HCN1: variants seen among roughly 807,000 people sequenced by gnomAD.
HCN1 encodes potassium/sodium hyperpolarization-activated cyclic nucleotide-gated channel 1.
In HCN1, 13 loss-of-function variants were observed where a neutral mutation model predicts 78.9. That is an observed-to-expected ratio of 0.16 (90% CI 0.11 to 0.26). HCN1 has a LOEUF of 0.26. HCN1 is among the 10% of genes least tolerant of loss of function. The probability of loss-of-function intolerance (pLI) is 1.00; values close to 1 mark genes in which losing one functional copy is unlikely to be tolerated. For missense variants in HCN1, 810 were observed against 1,154.3 expected, an observed-to-expected ratio of 0.70 and a Z score of 4.32; for synonymous variants, 552 against 455.5, an observed-to-expected ratio of 1.21 and a Z score of -2.70.
intron 5 of HCN1, among the ~76,000 whole-genome samples, chr5:45,305,753 CAGA>C (rs1745720335): frequency 7.3e-6 from 1 of 137,056 alleles, no homozygotes; most frequent in Non-Finnish European, 1.5e-5. Context: ...AAAGAAGAAA[CAGA>C]AGAAGGGAGG....
intron 1 of HCN1, among the ~76,000 whole-genome samples, chr5:45,674,412 CT>C (rs1172681797): frequency 1.3e-5 from 2 of 151,540 alleles, no homozygotes; most frequent in Admixed American, 1.3e-4. Context: ...TGTGATTGAT[CT>C]TATACAGATC....
intron 4 of HCN1, among the ~76,000 whole-genome samples, chr5:45,375,139 T>A (rs1430474778): frequency 2.5e-5 from 3 of 121,506 alleles, no homozygotes; most frequent in African/African-American, 9.5e-5. Context: ...ATATATTTTA[T>A]AATATATAAT....
rs183074622 is a variant in HCN1 at position 45,640,837 on chromosome 5, A to C, written c.849+4348T>G. Among the ~76,000 whole-genome samples, 50 of 147,788 alleles carry C rather than the reference A, an allele frequency of 3.4e-4. 1 individual carries two copies. The East Asian group carries it at 8.2e-3, about 24-fold the overall frequency. On this transcript the variant is annotated intron_variant, in intron 2 of 7. Transcript: ENST00000303230. ...TGATCCACTGCACCCAGCCTTAACTATGATTTTTAAAGGAGTGATAGAAAA... is the reference window on the plus strand; with the variant it reads ...TGATCCACTGCACCCAGCCTTAACTCTGATTTTTAAAGGAGTGATAGAAAA...
chr5:45,449,401 T>C (rs1740864806), intron 3 of HCN1, among the ~76,000 whole-genome samples: 1 of 152,166 alleles, frequency 6.6e-6, no homozygotes, highest in Non-Finnish European at 1.5e-5. Context: ...AACCAACAAA[T>C]TCAGTTTTTG....
intron 1 of HCN1, among the ~76,000 whole-genome samples, chr5:45,685,982 T>C (rs930979449): frequency 3.3e-5 from 5 of 152,074 alleles, no homozygotes; most frequent in Non-Finnish European, 7.4e-5. Flanking sequence ...TTTACACTCA[T>C]ACAAATAACT....
At chr5:45,440,028 A>T (rs1226228473) in intron 3 of HCN1, among the ~76,000 whole-genome samples, 2 of 148,724 alleles carry the variant, frequency 1.3e-5, no homozygotes, top group Non-Finnish European at 1.5e-5. Context: ...GTATCATATA[A>T]TGTAATGTAC....
At chr5:45,467,500 A>T (rs1353954862) in intron 2 of HCN1, among the ~76,000 whole-genome samples, 1 of 152,116 alleles carries the variant, frequency 6.6e-6, no homozygotes, top group Non-Finnish European at 1.5e-5. Context: ...TCTCTGAAAA[A>T]AAAATGTCAA....
chr5:45,415,353 C>T (rs1579878875), intron 3 of HCN1, among the ~76,000 whole-genome samples: 1 of 152,038 alleles, frequency 6.6e-6, no homozygotes, highest in South Asian at 2.1e-4. Context: ...TTAAAGTTTC[C>T]TCATAGCTTC....
At chr5:45,362,884 T>G (rs1364096541) in intron 4 of HCN1, among the ~76,000 whole-genome samples, 2 of 151,836 alleles carry the variant, frequency 1.3e-5, no homozygotes, top group Non-Finnish European at 2.9e-5. Flanking sequence ...CTATTTTTCT[T>G]CTCTCCTTTC....
At chr5:45,571,066 C>T (rs1029586811) in intron 2 of HCN1, among the ~76,000 whole-genome samples, 20 of 152,088 alleles carry the variant, frequency 1.3e-4, no homozygotes, top group African/African-American at 4.8e-4. Context: ...TTTTTGACTT[C>T]TTCCATGTCT....
intron 2 of HCN1, chr5:45,575,099 C>A (rs1743912413): frequency 6.6e-6 from 1 of 152,262 alleles, no homozygotes; most frequent in East Asian, 1.9e-4. Flanking sequence ...ACGAAGGTGG[C>A]TACACTAAAC....
chr5:45,534,940 A>T (rs1742936956), intron 2 of HCN1, among the ~76,000 whole-genome samples: 1 of 152,228 alleles, frequency 6.6e-6, no homozygotes, highest in East Asian at 1.9e-4. Flanking sequence ...TTTAACAGGC[A>T]CATACATTAA....
intron 3 of HCN1, among the ~76,000 whole-genome samples, chr5:45,407,098 T>G (rs1302678219): frequency 1.3e-5 from 2 of 152,126 alleles, no homozygotes; most frequent in Non-Finnish European, 2.9e-5. Context: ...AGTGATGTGC[T>G]TTCACTCAAC....
At chr5:45,325,721 T>C (rs1388422686) in intron 5 of HCN1, among the ~76,000 whole-genome samples, 1 of 151,692 alleles carries the variant, frequency 6.6e-6, no homozygotes, top group Non-Finnish European at 1.5e-5. Flanking sequence ...TTAAAAAATC[T>C]TTTGAACATT....
chr5:45,693,688 C>T (rs1206491140), intron 1 of HCN1, among the ~76,000 whole-genome samples: 1 of 152,096 alleles, frequency 6.6e-6, no homozygotes, highest in Non-Finnish European at 1.5e-5. Context: ...AAGACTTTCG[C>T]ATGCTATTCT....
chr5:45,297,096 A>G (rs947626128), intron 6 of HCN1, among the ~76,000 whole-genome samples: 1 of 152,082 alleles, frequency 6.6e-6, no homozygotes, highest in Non-Finnish European at 1.5e-5. Context: ...ATTTACCCAC[A>G]TATTTATTAA....
chr5:45,279,939 C>T (rs1391629674), intron 6 of HCN1, among the ~76,000 whole-genome samples: 1 of 152,056 alleles, frequency 6.6e-6, no homozygotes, highest in Admixed American at 6.6e-5. Context: ...TCCCAACTCC[C>T]TCACTTTCCT....
At chr5:45,290,598 A>G (rs1309000188) in intron 6 of HCN1, among the ~76,000 whole-genome samples, 1 of 152,092 alleles carries the variant, frequency 6.6e-6, no homozygotes, top group African/African-American at 2.4e-5. Flanking sequence ...TTAGAAGAAA[A>G]GTTTGGGATT....
chr5:45,584,676 C>A (rs1420302611), intron 2 of HCN1, among the ~76,000 whole-genome samples: 2 of 152,128 alleles, frequency 1.3e-5, no homozygotes, highest in Non-Finnish European at 2.9e-5. Flanking sequence ...ACTGGTTGTT[C>A]CTTTCCATGT....
Sources: gnomAD v4.1 joint callset for allele counts (sites outside exome capture counted in the v4.1 genomes callset) on GRCh38, gnomAD v4.1.1 for gene constraint, MANE v1.5 for transcripts, NCBI Gene and HGNC (gene_info 2026-07-23, HGNC 2026-07-21) for gene names.